MAGI1: variants seen among roughly 807,000 people sequenced by gnomAD.
The protein encoded by MAGI1 is membrane-associated guanylate kinase, WW and PDZ domain-containing protein 1.
In MAGI1, 58 loss-of-function variants were observed where a neutral mutation model predicts 139.9. The observed-to-expected ratio is 0.41, with a 90% CI of 0.34 to 0.52. MAGI1 has a LOEUF of 0.52. Ranked by LOEUF, MAGI1 falls within the 20% of genes least tolerant of loss-of-function variation. The probability of loss-of-function intolerance (pLI) is 0.12; values close to 1 mark genes in which losing one functional copy is unlikely to be tolerated. For missense variants in MAGI1, 1,874 were observed against 1,901.6 expected (o/e 0.99, Z 0.27); for synonymous variants, 812 against 737.9 (o/e 1.10, Z -1.63).
intron 12 of MAGI1, among the ~76,000 whole-genome samples, chr3:65,428,550 C>G (rs1167129547): frequency 6.6e-6 from 1 of 152,100 alleles, no homozygotes; most frequent in Non-Finnish European, 1.5e-5. Context: ...TAGCAGACCT[C>G]TTGTTTCTGC....
chr3:65,637,550 TC>T (rs570282188), intron 1 of MAGI1, among the ~76,000 whole-genome samples: 206 of 98,404 alleles, frequency 2.1e-3, no homozygotes, highest in African/African-American at 8.3e-3. Context: ...AGACCCTGTC[TC>T]CAAAAAAAGA....
At chr3:65,604,660 C>T (rs1199533451) in intron 2 of MAGI1, among the ~76,000 whole-genome samples, 3 of 151,612 alleles carry the variant, frequency 2.0e-5, no homozygotes, top group Admixed American at 1.3e-4. Context: ...AAAACACCAA[C>T]TTGAAATGCT....
At chr3:65,670,447 G>A (rs2086787323) in intron 1 of MAGI1, among the ~76,000 whole-genome samples, 1 of 151,322 alleles carries the variant, frequency 6.6e-6, no homozygotes, top group Admixed American at 6.6e-5. Flanking sequence ...TTGAATTCCT[G>A]GCTTTTATGT....
At chr3:65,574,557 C>T (rs371347798) in intron 2 of MAGI1, among the ~76,000 whole-genome samples, 9 of 151,562 alleles carry the variant, frequency 5.9e-5, no homozygotes, top group East Asian at 3.9e-4. Flanking sequence ...AGATATTCAA[C>T]GCAATCCCAA....
intron 1 of MAGI1, among the ~76,000 whole-genome samples, chr3:65,704,502 G>A (rs572193592): frequency 2.6e-5 from 4 of 152,224 alleles, no homozygotes; most frequent in East Asian, 3.9e-4. Context: ...TCCTGCCCTC[G>A]ATCTTCTCTG....
At chr3:65,688,264 C>A in intron 1 of MAGI1, 1 of 849,714 alleles carries the variant, frequency 1.2e-6, no homozygotes, top group Non-Finnish European at 2.0e-6. Context: ...TGAATCCTCT[C>A]ACATGGTGGC....
At chr3:65,816,855 C>T (rs1467828928) in intron 1 of MAGI1, among the ~76,000 whole-genome samples, 1 of 152,142 alleles carries the variant, frequency 6.6e-6, no homozygotes, top group African/African-American at 2.4e-5. Flanking sequence ...ACAACTTCTG[C>T]TGTTACTGTG....
intron 1 of MAGI1, among the ~76,000 whole-genome samples, chr3:65,766,507 G>C (rs142855543): frequency 2.0e-5 from 3 of 152,062 alleles, no homozygotes; most frequent in African/African-American, 7.2e-5. Flanking sequence ...CAGGTGATCC[G>C]CTTGCTTAGG....
At chr3:65,869,572 T>A (rs925696875) in intron 1 of MAGI1, among the ~76,000 whole-genome samples, 12 of 151,758 alleles carry the variant, frequency 7.9e-5, no homozygotes, top group African/African-American at 2.9e-4. Flanking sequence ...GGCTAATTTT[T>A]TGTATTTTTA....
At chr3:65,904,092 T>C (rs1374713317) in intron 1 of MAGI1, among the ~76,000 whole-genome samples, 1 of 152,202 alleles carries the variant, frequency 6.6e-6, no homozygotes, top group Non-Finnish European at 1.5e-5. Flanking sequence ...CACAGACTAC[T>C]TAATCTTTGA....
chr3:65,371,431 A>G (rs963987212), intron 18 of MAGI1, among the ~76,000 whole-genome samples: 25 of 152,248 alleles, frequency 1.6e-4, no homozygotes, highest in Admixed American at 1.5e-3. Context: ...TTATTGCTAA[A>G]TAATGATCAC....
At chr3:65,492,812 T>C (rs1045597722) in intron 3 of MAGI1, among the ~76,000 whole-genome samples, 1 of 152,154 alleles carries the variant, frequency 6.6e-6, no homozygotes, top group African/African-American at 2.4e-5. Flanking sequence ...TAAAATAATT[T>C]GCTTTCCTGT....
At chr3:65,551,679 C>T (rs1439334987) in intron 2 of MAGI1, among the ~76,000 whole-genome samples, 1 of 152,180 alleles carries the variant, frequency 6.6e-6, no homozygotes, top group Non-Finnish European at 1.5e-5. Context: ...AGAAGAAAGC[C>T]AAAAGCAATT....
chr3:65,969,624 C>T (rs965848911), intron 1 of MAGI1, among the ~76,000 whole-genome samples: 1 of 152,156 alleles, frequency 6.6e-6, no homozygotes, highest in Non-Finnish European at 1.5e-5. Flanking sequence ...CCTTCATAAG[C>T]TTGTGGTTTA....
intron 1 of MAGI1, among the ~76,000 whole-genome samples, chr3:66,021,995 G>A (rs900055639): frequency 1.8e-4 from 27 of 152,148 alleles, no homozygotes; most frequent in African/African-American, 6.5e-4. Context: ...GGTAACAGGT[G>A]CACAGGACTG....
At chr3:65,575,113 A>G (rs1246096024) in intron 2 of MAGI1, among the ~76,000 whole-genome samples, 1 of 152,120 alleles carries the variant, frequency 6.6e-6, no homozygotes, top group Non-Finnish European at 1.5e-5. Flanking sequence ...TGTTAAGAGG[A>G]TGAAAACGTA....
At chr3:65,920,858 G>A (rs1472299822) in intron 1 of MAGI1, among the ~76,000 whole-genome samples, 3 of 152,014 alleles carry the variant, frequency 2.0e-5, no homozygotes, top group Admixed American at 6.6e-5. Context: ...GTGAAACTCC[G>A]TCTCTACTAA....
intron 1 of MAGI1, among the ~76,000 whole-genome samples, chr3:65,626,706 A>G (rs2107113446): frequency 6.6e-6 from 1 of 152,344 alleles, no homozygotes; most frequent in East Asian, 1.9e-4. Flanking sequence ...GTTTATGGTC[A>G]TCAAACTAAA....
intron 1 of MAGI1, among the ~76,000 whole-genome samples, chr3:65,954,181 A>G (rs997916850): frequency 3.0e-4 from 46 of 152,280 alleles, no homozygotes; most frequent in African/African-American, 9.6e-4. Flanking sequence ...TTGGGGGAAT[A>G]ATCCTATAAG....
Sources: allele counts gnomAD v4.1 joint callset (sites outside exome capture counted in the v4.1 genomes callset), GRCh38; gene constraint gnomAD v4.1.1; transcripts MANE v1.5; gene names NCBI Gene and HGNC (gene_info 2026-07-23, HGNC 2026-07-21).